ARHGAP39: variants seen among roughly 807,000 people sequenced by gnomAD.
The protein encoded by ARHGAP39 is rho GTPase-activating protein 39.
A neutral mutation model predicts 106.9 loss-of-function variants in ARHGAP39; 44 were observed. That is an observed-to-expected ratio of 0.41 (90% CI 0.32 to 0.53). The LOEUF (loss-of-function observed/expected upper bound fraction) is 0.53. Among genes scored for constraint, ARHGAP39 ranks in the 20% least tolerant of loss-of-function variants. The pLI, the probability that ARHGAP39 is intolerant of heterozygous loss-of-function variation, is 0.21. For synonymous variants in ARHGAP39, 768 were observed against 693.2 expected (o/e 1.11, Z -1.69); for missense variants, 1,496 against 1,577.3 (o/e 0.95, Z 0.87).
chr8:144,614,763 A>C (rs1367333291), intron 1 of ARHGAP39, among the ~76,000 whole-genome samples: 1 of 152,212 alleles, frequency 6.6e-6, no homozygotes, highest in African/African-American at 2.4e-5. Flanking sequence ...TTCTAGGGCT[A>C]ACTGTTCTCC....
At chr8:144,616,880 G>C (rs1160677436) in intron 1 of ARHGAP39, among the ~76,000 whole-genome samples, 1 of 152,206 alleles carries the variant, frequency 6.6e-6, no homozygotes, top group African/African-American at 2.4e-5. Context: ...AATGCCCAGT[G>C]AATCAATGTT....
the ARHGAP39 span, among the ~76,000 whole-genome samples, chr8:144,692,238 C>CGA: frequency 6.6e-6 from 1 of 152,240 alleles, no homozygotes; most frequent in Non-Finnish European, 1.5e-5. Context: ...CCTCATCTGG[C>CGA]TATTCTGCTT....
intron 2 of ARHGAP39, among the ~76,000 whole-genome samples, chr8:144,601,183 AGC>A (rs1563698836): frequency 2.4e-5 from 2 of 83,192 alleles, no homozygotes; most frequent in Admixed American, 2.7e-4. Flanking sequence ...CGTGCGTGCA[AGC>A]TCGTGTACCT....
intron 1 of ARHGAP39, among the ~76,000 whole-genome samples, chr8:144,663,172 C>T (rs892403567): frequency 5.3e-5 from 8 of 150,564 alleles, no homozygotes; most frequent in African/African-American, 1.7e-4. Flanking sequence ...GGTTAACCTT[C>T]CTCACTTGGC....
chr8:144,621,739 G>A (rs527975309), intron 1 of ARHGAP39, among the ~76,000 whole-genome samples: 1 of 152,304 alleles, frequency 6.6e-6, no homozygotes, highest in African/African-American at 2.4e-5. Flanking sequence ...GATGGCTTGA[G>A]GCCCTGAGGT....
the ARHGAP39 span, among the ~76,000 whole-genome samples, chr8:144,695,739 C>T: frequency 6.6e-6 from 1 of 152,120 alleles, no homozygotes. Flanking sequence ...TAAATGGTTA[C>T]AGGAAAGTAA....
At chr8:144,552,738 T>A (rs189640473) in intron 4 of ARHGAP39, among the ~76,000 whole-genome samples, 1 of 151,982 alleles carries the variant, frequency 6.6e-6, no homozygotes, top group African/African-American at 2.4e-5. Flanking sequence ...CAGGCTGAGG[T>A]AGTAGCACGC....
chr8:144,665,462 G>C (rs1204508074), intron 1 of ARHGAP39, among the ~76,000 whole-genome samples: 1 of 152,236 alleles, frequency 6.6e-6, no homozygotes, highest in African/African-American at 2.4e-5. Flanking sequence ...GGCCATGTCA[G>C]AGACCTTCAT....
rs559160661 is a variant in ARHGAP39 at position 144,664,474 on chromosome 8, CCA to C, written c.-82+21210_-82+21211del. On this transcript the variant is annotated intron_variant, in intron 1 of 11. Coordinates refer to ENST00000377307, the MANE Select transcript of ARHGAP39 (RefSeq NM_025251.3). Reference sequence around the variant, plus strand: ...CTGCCTCAGCACCTGGCTGCTAGCCCCAGAGACAGGCCATCCAATGTGTGGTA... The same window carrying C: ...CTGCCTCAGCACCTGGCTGCTAGCCCGAGACAGGCCATCCAATGTGTGGTA... 1.3e-3 allele frequency among the ~76,000 whole-genome samples: 197 copies of C among 152,316 alleles called. 1 individual carries two copies. The highest frequency in any genetic ancestry group is 4.7e-3 in the African/African-American group (194 of 41,580).
At position 144,547,059 on chromosome 8, in the gene ARHGAP39, C is replaced by T. The variant is rs1817457465; in HGVS notation, c.1959+68G>A. The T allele has an allele frequency of 1.0e-5, 15 of 1,468,458 alleles. No individual in the cohort carries two copies. The allele number at this position is 1,468,458 out of a possible 1,614,324, so 91.0% of individuals were successfully genotyped here. On this transcript the variant is annotated intron_variant, in intron 5 of 11. Coordinates refer to ENST00000377307, the MANE Select transcript of ARHGAP39 (RefSeq NM_025251.3). This position sits in a 1 kb window ranked among gnomAD's most constrained non-coding sequence, Gnocchi z 5.2. ...GGACGCCAGGTCTCCTGTGCCTGGC[C>T]CACGGGGTCCACTCTGACTGGGCTG...
rs61735921 is a variant in ARHGAP39 at position 144,547,852 on chromosome 8, C to G, written c.1234G>C (p.Ala412Pro). Residue 412 changes from alanine to proline, a missense_variant, in exon 5 of 12, where the codon GCC (alanine) becomes CCC (proline). Ala to Pro is a conservative substitution (Grantham distance 27). Around this residue, in one of 4 missense-constraint regions of ARHGAP39, gnomAD observed 905 missense variants for 816.4 expected, o/e 1.11. Coordinates refer to ENST00000377307, the MANE Select transcript of ARHGAP39 (RefSeq NM_025251.3). This position sits in a 1 kb window ranked among gnomAD's most constrained non-coding sequence, Gnocchi z 5.2. Reference sequence around the variant, plus strand: ...GGCGCGTACTTGTGCCGCGGGCCGGCGCGCAGCTTGGGGCTGGAGCCCGCC... The same window carrying G: ...GGCGCGTACTTGTGCCGCGGGCCGGGGCGCAGCTTGGGGCTGGAGCCCGCC... ...EQAGSSPKLR[A>P]GPRHKYAPNP... The G allele has an allele frequency of 2.5e-3, 3,935 of 1,586,672 alleles. 8 individuals are homozygous for G. Among genetic ancestry groups the G allele is most frequent in the African/African-American group, 5.2e-3 (384 of 74,522 alleles).
chr8:144,618,104 T>C (rs1478059036), intron 1 of ARHGAP39, among the ~76,000 whole-genome samples: 1 of 152,166 alleles, frequency 6.6e-6, no homozygotes, highest in Non-Finnish European at 1.5e-5. Flanking sequence ...TTCAATGGAA[T>C]AGAATATTTT....
chr8:144,639,031 T>C (rs1336007304), intron 1 of ARHGAP39, among the ~76,000 whole-genome samples: 2 of 152,196 alleles, frequency 1.3e-5, no homozygotes, highest in African/African-American at 2.4e-5. Flanking sequence ...TTTTTAAAAA[T>C]TACCTTCGGC....
At chr8:144,573,946 G>T (rs759982485) in intron 3 of ARHGAP39, among the ~76,000 whole-genome samples, 1 of 152,098 alleles carries the variant, frequency 6.6e-6, no homozygotes, top group African/African-American at 2.4e-5. Context: ...GCTGAGGCAG[G>T]CAGATCACTT....
chr8:144,567,332 G>A (rs886620282), intron 3 of ARHGAP39, among the ~76,000 whole-genome samples: 1 of 152,214 alleles, frequency 6.6e-6, no homozygotes, highest in South Asian at 2.1e-4. Flanking sequence ...ACAAGAGTGC[G>A]AGCCTTCTGT....
rs139814199 is a variant in ARHGAP39, at chr8:144,618,551, T to C, written c.-81-12856A>G. On this transcript the variant is annotated intron_variant, in intron 1 of 11. Transcript: ENST00000377307. Reference sequence around the variant, plus strand: ...AGGTGGGGGTTGCTGCCTGCAGAGGTTGTGGTGGGCGCGAGCAGGCAGGCA... The same window carrying C: ...AGGTGGGGGTTGCTGCCTGCAGAGGCTGTGGTGGGCGCGAGCAGGCAGGCA... Among the ~76,000 whole-genome samples the C allele has an allele frequency of 2.9e-3, 440 of 152,280 alleles. 3 individuals carry two copies. The highest frequency in any genetic ancestry group is 9.2e-3 in the African/African-American group (383 of 41,554).
At chr8:144,587,851 C>T (rs1819239910) in intron 2 of ARHGAP39, among the ~76,000 whole-genome samples, 1 of 152,158 alleles carries the variant, frequency 6.6e-6, no homozygotes, top group Admixed American at 6.5e-5. Flanking sequence ...TGGGGTTTCA[C>T]CACATTGGCC....
chr8:144,533,243 T>A lies in ARHGAP39; in HGVS notation c.2771A>T (p.Gln924Leu). Residue 924 changes from glutamine to leucine, a missense_variant, in exon 9 of 12, where the codon CAG becomes CTG. Physicochemically the swap from Gln to Leu is moderately radical, Grantham distance 113. This residue lies in a region of ARHGAP39 where 470 missense variants were observed against 605.1 expected (regional missense o/e 0.78). Transcript: ENST00000377307. ...FSPSMFGSAL[Q>L]EVMGMQRERY... ...CTCTCTCTGCATGCCCATGACCTCC[T>A]GCAGTGCGCTGCCGAACATGGACGG... The A allele has an allele frequency of 6.2e-7, 1 of 1,613,142 alleles. No homozygotes were observed.
intron 1 of ARHGAP39, among the ~76,000 whole-genome samples, chr8:144,658,662 G>C (rs1442968423): frequency 6.6e-6 from 1 of 152,068 alleles, no homozygotes; most frequent in Non-Finnish European, 1.5e-5. Context: ...TGGACACTGA[G>C]GGATGACTGT....
Sources: gnomAD v4.1 joint callset for allele counts (sites outside exome capture counted in the v4.1 genomes callset) on GRCh38, gnomAD v4.1.1 for gene constraint, gnomAD v4.1.1 regional missense constraint, Gnocchi (gnomAD v3.1) non-coding constraint, MANE v1.5 for transcripts, NCBI Gene and HGNC (gene_info 2026-07-23, HGNC 2026-07-21) for gene names.